The following IP6K1 variants were observed in gnomAD, a reference collection of about 807,000 sequenced individuals.
The protein encoded by IP6K1 is ATP:1D-myo-inositol-hexakisphosphate phosphotransferase.
A neutral mutation model predicts 38.3 loss-of-function variants in IP6K1; 13 were observed. The observed-to-expected ratio is 0.34, with a 90% CI of 0.22 to 0.54. The LOEUF (loss-of-function observed/expected upper bound fraction) is 0.54. IP6K1 is among the 20% of genes least tolerant of loss of function. The probability of loss-of-function intolerance (pLI) is 0.92; values close to 1 mark genes in which losing one functional copy is unlikely to be tolerated. For synonymous variants in IP6K1, 212 were observed against 229.9 expected, an observed-to-expected ratio of 0.92 and a Z score of 0.70; for missense variants, 397 against 599.8, an observed-to-expected ratio of 0.66 and a Z score of 3.53.
intron 3 of IP6K1, among the ~76,000 whole-genome samples, chr3:49,736,275 A>G (rs534847784): frequency 6.6e-6 from 1 of 152,244 alleles, no homozygotes; most frequent in Non-Finnish European, 1.5e-5. Context: ...GTGAATTCAC[A>G]AGATTGTAAA....
chr3:49,762,390 A>C (rs2108250629), intron 1 of IP6K1, among the ~76,000 whole-genome samples: 1 of 152,314 alleles, frequency 6.6e-6, no homozygotes, highest in Middle Eastern at 3.4e-3. Flanking sequence ...AAAAATACAA[A>C]AATTAGCTGG....
chr3:49,756,445 G>A (rs72936059), intron 1 of IP6K1, among the ~76,000 whole-genome samples: 3,986 of 152,220 alleles, frequency 0.026, 168 homozygotes, highest in African/African-American at 0.091. Context: ...CTAAGAAGTG[G>A]GGGAAAGGAG....
intron 3 of IP6K1, among the ~76,000 whole-genome samples, chr3:49,734,074 G>GATGC (rs2080585202): frequency 6.6e-6 from 1 of 152,138 alleles, no homozygotes; most frequent in African/African-American, 2.4e-5. Flanking sequence ...GGGGGCTGAG[G>GATGC]ATGCACTGAG....
intron 4 of IP6K1, among the ~76,000 whole-genome samples, chr3:49,728,792 G>A (rs1002775357): frequency 6.6e-6 from 1 of 151,976 alleles, no homozygotes; most frequent in African/African-American, 2.4e-5. Flanking sequence ...GGCCAGGCTG[G>A]TCTCGAACTC....
intron 2 of IP6K1, among the ~76,000 whole-genome samples, chr3:49,743,545 GT>G (rs2080691834): frequency 6.6e-6 from 1 of 150,988 alleles, no homozygotes; most frequent in Non-Finnish European, 1.5e-5. Context: ...CCTAGTTGTA[GT>G]GGCGTGCCTA....
At chr3:49,731,204 T>C (rs868748258) in intron 4 of IP6K1, among the ~76,000 whole-genome samples, 1 of 152,130 alleles carries the variant, frequency 6.6e-6, no homozygotes, top group Non-Finnish European at 1.5e-5. Context: ...TTCATTCCAA[T>C]ATATCCTATT....
intron 1 of IP6K1, among the ~76,000 whole-genome samples, chr3:49,768,399 T>A (rs940699681): frequency 6.6e-6 from 1 of 152,160 alleles, no homozygotes; most frequent in Non-Finnish European, 1.5e-5. Flanking sequence ...CATGGATGAA[T>A]CTTGAAAACA....
intron 3 of IP6K1, among the ~76,000 whole-genome samples, chr3:49,736,841 G>A (rs752607352): frequency 1.3e-4 from 19 of 149,258 alleles, no homozygotes; most frequent in Admixed American, 2.7e-4. Context: ...GCATGATCTC[G>A]GCTCACTACA....
At chr3:49,785,149 G>C (rs2081100377) in intron 1 of IP6K1, among the ~76,000 whole-genome samples, 1 of 152,116 alleles carries the variant, frequency 6.6e-6, no homozygotes, top group Non-Finnish European at 1.5e-5. Flanking sequence ...TCTCCAACTT[G>C]CCCAAATTCA....
intron 1 of IP6K1, among the ~76,000 whole-genome samples, chr3:49,773,484 G>A (rs1021639712): frequency 2.0e-5 from 3 of 152,098 alleles, no homozygotes; most frequent in East Asian, 1.9e-4. Context: ...GGTGGCGGGC[G>A]CCTGTAGTCC....
At chr3:49,766,619 G>A (rs551122720) in intron 1 of IP6K1, among the ~76,000 whole-genome samples, 4 of 148,896 alleles carry the variant, frequency 2.7e-5, no homozygotes, top group East Asian at 2.0e-4. Flanking sequence ...AGCCAAGATC[G>A]TGCCATTGCA....
chr3:49,742,421 C>T (rs537542681), intron 2 of IP6K1, among the ~76,000 whole-genome samples: 4 of 152,202 alleles, frequency 2.6e-5, no homozygotes, highest in East Asian at 1.9e-4. Flanking sequence ...TGGTGGTACA[C>T]GCCTGTAGTC....
intron 1 of IP6K1, among the ~76,000 whole-genome samples, chr3:49,750,733 CCT>C (rs2080767320): frequency 6.6e-6 from 1 of 152,028 alleles, no homozygotes. Flanking sequence ...TAGCCCTTCC[CCT>C]GACTCTGAGA....
At chr3:49,750,149 T>G (rs1233186876) in intron 1 of IP6K1, among the ~76,000 whole-genome samples, 1 of 152,078 alleles carries the variant, frequency 6.6e-6, no homozygotes, top group African/African-American at 2.4e-5. Context: ...AGTTGCTGGA[T>G]TGTGGAGGGC....
intron 2 of IP6K1, among the ~76,000 whole-genome samples, chr3:49,746,669 C>CAA (rs35749020): frequency 9.5e-5 from 10 of 105,526 alleles, no homozygotes; most frequent in Non-Finnish European, 8.0e-5. Context: ...GAGAAACTCT[C>CAA]AAAAAAAAAA....
In IP6K1 at chr3:49,727,287, G is replaced by A. The variant is rs1559700245; in HGVS notation, c.1161C>T (p.Pro387=). The A allele has an allele frequency of 8.7e-6, 14 of 1,614,198 alleles. No homozygotes were observed. In the Middle Eastern group the frequency reaches 8.2e-4, roughly 95 times the overall value. ...GGACATCCACCTTGGGCTGAGAGGA[G>A]GGACCCGCCTCGGGGCTGGTGTTGC... ...SPSNTSPEAG[P]SSQPKVDVRM... The change falls in exon 6 of 6, where the codon CCC becomes CCT. Residue 387 remains proline, a synonymous_variant. Transcript: ENST00000321599. The surrounding 1 kb of genome is among the most constrained non-coding windows in gnomAD (Gnocchi z 5.9).
intron 1 of IP6K1, among the ~76,000 whole-genome samples, chr3:49,748,569 A>G (rs1457299331): frequency 1.3e-5 from 2 of 152,232 alleles, no homozygotes; most frequent in Non-Finnish European, 2.9e-5. Context: ...TAGGATATCC[A>G]GTACTGGTAA....
At chr3:49,769,647 C>G (rs773158548) in intron 1 of IP6K1, among the ~76,000 whole-genome samples, 2 of 152,138 alleles carry the variant, frequency 1.3e-5, no homozygotes, top group African/African-American at 4.8e-5. Context: ...ACAGGCTAGA[C>G]TTAGGGACTC....
At chr3:49,766,768 C>A (rs2080914763) in intron 1 of IP6K1, among the ~76,000 whole-genome samples, 1 of 151,212 alleles carries the variant, frequency 6.6e-6, no homozygotes, top group Admixed American at 6.6e-5. Context: ...GAGTTTGAGA[C>A]CAGCCTGACC....
Sources: gnomAD v4.1 joint callset for allele counts (sites outside exome capture counted in the v4.1 genomes callset) on GRCh38, gnomAD v4.1.1 for gene constraint, Gnocchi (gnomAD v3.1) non-coding constraint, MANE v1.5 for transcripts, NCBI Gene and HGNC (gene_info 2026-07-23, HGNC 2026-07-21) for gene names.